The following GSR variants were observed in gnomAD, a reference collection of about 807,000 sequenced individuals.
The protein encoded by GSR is glutathione-disulfide reductase.
A neutral mutation model predicts 56.5 loss-of-function variants in GSR; 48 were observed. The ratio of observed to expected loss-of-function variants is 0.85; its 90% CI spans 0.67 to 1.08. The LOEUF is 1.08. Ranked by LOEUF, GSR falls within the 50% of genes least tolerant of loss-of-function variation. The pLI is 0.00. For missense variants in GSR, 694 were observed against 703.3 expected, an observed-to-expected ratio of 0.99 and a Z score of 0.15; for synonymous variants, 264 against 270.8, an observed-to-expected ratio of 0.97 and a Z score of 0.25.
intron 9 of GSR, among the ~76,000 whole-genome samples, chr8:30,687,835 T>A (rs998584921): frequency 6.6e-6 from 1 of 152,202 alleles, no homozygotes; most frequent in African/African-American, 2.4e-5. Context: ...AGTTATAAAT[T>A]ACTTTGCATG....
At chr8:30,699,806 T>G (rs1448404211) in intron 6 of GSR, among the ~76,000 whole-genome samples, 2 of 152,080 alleles carry the variant, frequency 1.3e-5, no homozygotes, top group Non-Finnish European at 2.9e-5. Context: ...TGATGCTGTA[T>G]TAAGTTGAAG....
At position 30,692,253 on chromosome 8, in the gene GSR, G is replaced by A. The variant is rs553620650; in HGVS notation, c.882+716C>T. 5.3e-3 allele frequency among the ~76,000 whole-genome samples: 643 copies of A among 120,974 alleles called. 4 individuals carry two copies. Among genetic ancestry groups the A allele is most frequent in the African/African-American group, 0.019 (604 of 31,442 alleles). The allele number at this position is 120,974 out of a possible 152,430, so 79.4% of individuals were successfully genotyped here. A position where few individuals can be genotyped will look rare whatever the true frequency, so the allele number is the denominator to read the frequency against. ...GACTCTCGCTCTTGTTGCCCAGGCTGGAATGCAATGGCACAATCTCAGCTC... is the reference window on the plus strand; with the variant it reads ...GACTCTCGCTCTTGTTGCCCAGGCTAGAATGCAATGGCACAATCTCAGCTC... On this transcript the variant is annotated intron_variant, in intron 8 of 12. Transcript: ENST00000221130.
rs60532553 is a variant in GSR at position 30,710,714 on chromosome 8, C to CAAAAAAA, written c.334-819_334-813dup. On this transcript the variant is annotated intron_variant, in intron 2 of 12. Coordinates refer to ENST00000221130, the MANE Select transcript of GSR (RefSeq NM_000637.5). ...CCTGGGCAAGAGTGAGACTCTGTCTCAAAAAAAAAAAAAAAAAAAAAAAAA... is the reference window on the plus strand; with the variant it reads ...CCTGGGCAAGAGTGAGACTCTGTCTCAAAAAAAAAAAAAAAAAAAAAAAAAAAAAAAA... Among the ~76,000 whole-genome samples, 19 of 51,040 alleles carry CAAAAAAA rather than the reference C, an allele frequency of 3.7e-4. 2 individuals are homozygous for CAAAAAAA. Among genetic ancestry groups the CAAAAAAA allele is most frequent in the African/African-American group, 1.1e-3 (17 of 15,202 alleles). 33.5% of individuals were successfully genotyped at this position (51,040 alleles called of 152,430 possible).
At chr8:30,723,469 G>GA (rs1427744501) in intron 1 of GSR, among the ~76,000 whole-genome samples, 4 of 152,026 alleles carry the variant, frequency 2.6e-5, no homozygotes, top group African/African-American at 9.7e-5. Flanking sequence ...TCCAGCCTGG[G>GA]AAACAGAGGG....
At chr8:30,711,615 T>C (rs1804146635) in intron 2 of GSR, among the ~76,000 whole-genome samples, 1 of 152,134 alleles carries the variant, frequency 6.6e-6, no homozygotes, top group Non-Finnish European at 1.5e-5. Context: ...GCAGATCACC[T>C]GAGGTCAGGA....
At chr8:30,703,060 C>T in intron 5 of GSR, 33 bp downstream of exon 5, 4 of 1,608,542 alleles carry the variant, frequency 2.5e-6, no homozygotes, top group Non-Finnish European at 3.4e-6. Flanking sequence ...AAACTCCTGA[C>T]TGCTGTTAAT....
chr8:30,722,989 A>G (rs1804599671), intron 1 of GSR, among the ~76,000 whole-genome samples: 2 of 152,120 alleles, frequency 1.3e-5, no homozygotes, highest in Admixed American at 1.3e-4. Flanking sequence ...CTTGGCAATC[A>G]TGAACTTTTG....
At position 30,715,967 on chromosome 8, in the gene GSR, T is replaced by A. The variant is rs2343687; in HGVS notation, c.307-3879A>T. ...AATATGTTTCTTCTAAGCGCCAAGG[T>A]GGGCTTTCACTGGTGCCTGGTGTCT... On this transcript the variant is annotated intron_variant, in intron 1 of 12. Coordinates refer to ENST00000221130, the MANE Select transcript of GSR (RefSeq NM_000637.5). 1.2e-3 allele frequency among the ~76,000 whole-genome samples: 189 copies of A among 152,344 alleles called. 2 individuals are homozygous for A. The highest frequency in any genetic ancestry group is 0.011 in the Admixed American group (175 of 15,290).
At chr8:30,720,714 A>T (rs190808105) in intron 1 of GSR, among the ~76,000 whole-genome samples, 1 of 152,130 alleles carries the variant, frequency 6.6e-6, no homozygotes, top group Non-Finnish European at 1.5e-5. Flanking sequence ...TAAAGCAAGA[A>T]AATCAATGGA....
At chr8:30,682,833 TA>T (rs1432383485) in intron 10 of GSR, among the ~76,000 whole-genome samples, 36 of 151,192 alleles carry the variant, frequency 2.4e-4, no homozygotes, top group Middle Eastern at 3.2e-3. Flanking sequence ...ATTATATTAT[TA>T]TTTTTTTTTT....
intron 7 of GSR, among the ~76,000 whole-genome samples, chr8:30,693,778 C>A (rs1803465243): frequency 1.3e-5 from 2 of 152,188 alleles, no homozygotes; most frequent in East Asian, 3.9e-4. Flanking sequence ...ATCCGCCCAC[C>A]TAGGCCTCCC....
Position 30,703,220 on chromosome 8 carries a change from A to G in GSR, c.513T>C (p.Arg171=). The change falls in exon 5 of 13, where the codon CGT becomes CGC. Residue 171 remains arginine, a synonymous_variant. Coordinates refer to ENST00000221130, the MANE Select transcript of GSR (RefSeq NM_000637.5). Reference sequence around the variant, plus strand: ...GATCACTCGTGAAGGCTGCATGGCCACGGATGATTTCTATATGGGACTAAA... The same window carrying G: ...GATCACTCGTGAAGGCTGCATGGCCGCGGATGATTTCTATATGGGACTAAA... ...NLTKSHIEII[R]GHAAFTSDPK... 1.2e-6 allele frequency: 2 copies of G among 1,614,132 alleles called. No individual in the cohort carries two copies. The highest frequency in any genetic ancestry group is 1.7e-6 in the Non-Finnish European group (2 of 1,179,984).
chr8:30,687,510 T>C (rs1175381778), intron 9 of GSR: 3 of 151,634 alleles, frequency 2.0e-5, no homozygotes, highest in African/African-American at 7.3e-5. Flanking sequence ...TCGACGGGCG[T>C]GGTGGTACAC....
At position 30,709,914 on chromosome 8, in the gene GSR, A is replaced by AG; in HGVS notation, c.334-13_334-12insC. 6.8e-7 allele frequency: 1 copy of AG among 1,466,966 alleles called. No individual in the cohort carries two copies. 90.9% of individuals were successfully genotyped at this position (1,466,966 alleles called of 1,614,324 possible). ...GTGTTCCACATTACCTGTAAAAAAA[A>AG]AAAAAAAAAAGGATCCAAAACAGCA... On this transcript the variant is annotated splice_polypyrimidine_tract_variant and intron_variant, in intron 2 of 12. Transcript: ENST00000221130.
chr8:30,697,123 CAT>C (rs1164448121), intron 6 of GSR, among the ~76,000 whole-genome samples: 1 of 151,654 alleles, frequency 6.6e-6, no homozygotes, highest in East Asian at 1.9e-4. Flanking sequence ...TCTACAAAAA[CAT>C]AAAAGTAAGG....
chr8:30,683,048 G>A (rs1338016859), intron 10 of GSR, among the ~76,000 whole-genome samples: 1 of 151,792 alleles, frequency 6.6e-6, no homozygotes, highest in Admixed American at 6.6e-5. Context: ...GGAAGGTCTC[G>A]ATCTCTGGAC....
chr8:30,716,018 G>A (rs181695870), intron 1 of GSR, among the ~76,000 whole-genome samples: 1 of 152,084 alleles, frequency 6.6e-6, no homozygotes, highest in Non-Finnish European at 1.5e-5. Flanking sequence ...TTTTTTAGAA[G>A]TTTCTGCCTT....
At position 30,708,121 on chromosome 8, in the gene GSR, TC is replaced by T; in HGVS notation, c.442del (p.Asp148MetfsTer4). 1 of 1,612,784 alleles carries T rather than the reference TC, an allele frequency of 6.2e-7. No homozygotes were observed. The highest frequency in any genetic ancestry group is 8.5e-7 in the Non-Finnish European group (1 of 1,178,800). The part of the protein sequence containing the change: ...FNWRVIKEKR[D>X]AYVSRLNAIY... ...GGCATTCAGGCGGCTCACATAGGCA[TC>T]CCGCTTTTCCTTAATAACACTGCAA... On this transcript the variant is annotated frameshift_variant, in exon 4 of 13. Coordinates refer to ENST00000221130, the MANE Select transcript of GSR (RefSeq NM_000637.5). LOFTEE classifies it high-confidence loss of function.
chr8:30,707,386 G>T lies in GSR; in HGVS notation c.492+686C>A, dbSNP rs149229478. 5.8e-3 allele frequency among the ~76,000 whole-genome samples: 888 copies of T among 152,060 alleles called. 5 individuals carry two copies. The highest frequency in any genetic ancestry group is 0.01 in the Non-Finnish European group (693 of 67,970). Reference sequence around the variant, plus strand: ...CTCTGACAGGTCAATTTCAATAATAGAAAAAGTAAGAGGCCAGGCACAGTG... The same window carrying T: ...CTCTGACAGGTCAATTTCAATAATATAAAAAGTAAGAGGCCAGGCACAGTG... On this transcript the variant is annotated intron_variant, in intron 4 of 12. Transcript: ENST00000221130.
Sources: gnomAD v4.1 joint callset for allele counts (sites outside exome capture counted in the v4.1 genomes callset) on GRCh38, gnomAD v4.1.1 for gene constraint, MANE v1.5 for transcripts, NCBI Gene and HGNC (gene_info 2026-07-23, HGNC 2026-07-21) for gene names.